The following RASGRF2 variants were observed in gnomAD, a reference collection of about 807,000 sequenced individuals.
RASGRF2 encodes Ras protein specific guanine nucleotide releasing factor 2, also known as ras-specific guanine nucleotide-releasing factor 2.
RASGRF2 carries 76 observed loss-of-function variants against 151.0 expected under a neutral mutation model. That is an observed-to-expected ratio of 0.50 (90% CI 0.42 to 0.61). The LOEUF (loss-of-function observed/expected upper bound fraction) is 0.61. Ranked by LOEUF, RASGRF2 falls within the 20% of genes least tolerant of loss-of-function variation. RASGRF2 has a pLI of 0.00. For missense variants in RASGRF2, 1,148 were observed against 1,564.6 expected (o/e 0.73, Z 4.49); for synonymous variants, 504 against 566.5 (o/e 0.89, Z 1.57).
intron 18 of RASGRF2, among the ~76,000 whole-genome samples, chr5:81,196,661 G>A (rs1430484483): frequency 6.7e-6 from 1 of 149,018 alleles, no homozygotes; most frequent in Non-Finnish European, 1.5e-5. Flanking sequence ...GGCACAGTAG[G>A]TACTCACTAA....
intron 1 of RASGRF2, among the ~76,000 whole-genome samples, chr5:80,999,952 G>C (rs1047944299): frequency 3.3e-5 from 5 of 152,170 alleles, no homozygotes; most frequent in African/African-American, 1.2e-4. Flanking sequence ...CTGTGGGTTA[G>C]GAATTCAGAA....
chr5:81,171,954 T>C (rs575061899), intron 17 of RASGRF2, among the ~76,000 whole-genome samples: 153 of 152,264 alleles, frequency 1.0e-3, no homozygotes, highest in Non-Finnish European at 1.9e-3. Context: ...ACAGCAGCGA[T>C]GGGAGGGCTG....
intron 19 of RASGRF2, among the ~76,000 whole-genome samples, chr5:81,201,689 T>C (rs1169701487): frequency 6.6e-6 from 1 of 152,154 alleles, no homozygotes; most frequent in African/African-American, 2.4e-5. Context: ...CAGACAGCGG[T>C]TTACTATAGA....
chr5:80,993,874 G>T (rs1049134527), intron 1 of RASGRF2, among the ~76,000 whole-genome samples: 2 of 152,190 alleles, frequency 1.3e-5, no homozygotes, highest in Non-Finnish European at 2.9e-5. Flanking sequence ...CCAGCAGGAA[G>T]CCAGAGGGTT....
chr5:81,187,088 A>G (rs1363329674), intron 18 of RASGRF2, among the ~76,000 whole-genome samples: 1 of 152,206 alleles, frequency 6.6e-6, no homozygotes, highest in African/African-American at 2.4e-5. Flanking sequence ...CATCTGGTCC[A>G]AACCCAGACC....
Position 81,080,640 on chromosome 5 carries a change from G to C in RASGRF2, c.1012G>C (p.Glu338Gln). The stretch of plus-strand genomic sequence containing the variant: ...GCTCCCCATGCTGAACATTTATCAA[G>C]AATTTGTGCGTAATCACCAGTACAG... The part of the protein sequence containing the change: ...ILLPMLNIYQ[E>Q]FVRNHQYSLQ... Residue 338 changes from glutamate to glutamine, a missense_variant, in exon 7 of 27, where the codon GAA (glutamate) becomes CAA (glutamine). Glu to Gln is a conservative substitution (Grantham distance 29, BLOSUM62 2). Coordinates refer to ENST00000265080, the MANE Select transcript of RASGRF2 (RefSeq NM_006909.3). 6.2e-7 allele frequency: 1 copy of C among 1,614,156 alleles called. No homozygotes were observed. Among genetic ancestry groups the C allele is most frequent in the Non-Finnish European group, 8.5e-7 (1 of 1,180,000 alleles).
At chr5:81,089,269 A>T (rs569433371) in intron 9 of RASGRF2, among the ~76,000 whole-genome samples, 84 of 152,340 alleles carry the variant, frequency 5.5e-4, no homozygotes, top group African/African-American at 1.9e-3. Context: ...TCTACAATTT[A>T]TCTCTAAAGG....
chr5:80,968,752 T>C lies in RASGRF2; in HGVS notation c.288+7726T>C, dbSNP rs1271277403. Among the ~76,000 whole-genome samples, 4 of 151,654 alleles carry C rather than the reference T, an allele frequency of 2.6e-5. No individual in the cohort carries two copies. In the East Asian group the frequency reaches 7.9e-4, roughly 30 times the overall value. ...GGGCTGGAGTGAAGTGGCGCAGTCA[T>C]AGCTTACTGAAGCCTTGAACTCCTG... On this transcript the variant is annotated intron_variant, in intron 1 of 26. Coordinates refer to ENST00000265080, the MANE Select transcript of RASGRF2 (RefSeq NM_006909.3).
chr5:81,030,118 A>G (rs951116680), intron 1 of RASGRF2, among the ~76,000 whole-genome samples: 10 of 152,232 alleles, frequency 6.6e-5, no homozygotes, highest in African/African-American at 1.9e-4. Context: ...GAGTAAAAAG[A>G]AACAAACAAA....
chr5:81,098,070 G>A (rs1413241408), intron 12 of RASGRF2, among the ~76,000 whole-genome samples: 1 of 152,186 alleles, frequency 6.6e-6, no homozygotes, highest in Non-Finnish European at 1.5e-5. Flanking sequence ...TGGCAGGAGT[G>A]GAGTTGGAGA....
At chr5:81,117,735 A>G (rs1270400318) in intron 15 of RASGRF2, among the ~76,000 whole-genome samples, 1 of 152,312 alleles carries the variant, frequency 6.6e-6, no homozygotes, top group East Asian at 1.9e-4. Context: ...TACGGGTGAG[A>G]CCTGAATCAG....
chr5:81,180,360 C>T, intron 18 of RASGRF2, 79 bp downstream of exon 18: 1 of 850,832 alleles, frequency 1.2e-6, no homozygotes, highest in South Asian at 1.4e-5. Context: ...ATGTAAAACA[C>T]CTCCCTACTC....
rs10584906 is a variant in RASGRF2 at position 80,969,815 on chromosome 5, C to CTTTTTTTTT, written c.288+8809_288+8817dup. ...ACAGATGCCAATAATACTTCTTCTTCTTTTTTTTTTTTTTTTTTTTTTTTT... is the reference window on the plus strand; with the variant it reads ...ACAGATGCCAATAATACTTCTTCTTCTTTTTTTTTTTTTTTTTTTTTTTTTTTTTTTTTT... On this transcript the variant is annotated intron_variant, in intron 1 of 26. Coordinates refer to ENST00000265080, the MANE Select transcript of RASGRF2 (RefSeq NM_006909.3). Among the ~76,000 whole-genome samples the CTTTTTTTTT allele has an allele frequency of 8.6e-4, 66 of 76,944 alleles. 8 individuals are homozygous for CTTTTTTTTT. Among genetic ancestry groups the CTTTTTTTTT allele is most frequent in the African/African-American group, 3.5e-3 (52 of 14,814 alleles). The allele number at this position is 76,944 out of a possible 152,430, so 50.5% of individuals were successfully genotyped here.
chr5:81,104,273 T>C (rs569243477), intron 12 of RASGRF2, among the ~76,000 whole-genome samples: 134 of 152,182 alleles, frequency 8.8e-4, no homozygotes, highest in African/African-American at 3.1e-3. Flanking sequence ...ATTTGAATTA[T>C]TTCATAATAA....
intron 17 of RASGRF2, among the ~76,000 whole-genome samples, chr5:81,144,280 A>C (rs186781735): frequency 1.1e-4 from 17 of 152,356 alleles, no homozygotes; most frequent in African/African-American, 4.1e-4. Context: ...AGTCAGCACA[A>C]GTAAACCAAA....
intron 2 of RASGRF2, among the ~76,000 whole-genome samples, chr5:81,051,196 C>A (rs977274918): frequency 6.6e-6 from 1 of 152,082 alleles, no homozygotes; most frequent in Non-Finnish European, 1.5e-5. Context: ...AATCACCCTG[C>A]ATCATTTTTT....
intron 17 of RASGRF2, among the ~76,000 whole-genome samples, chr5:81,143,495 T>C (rs1244126914): frequency 6.6e-6 from 1 of 152,160 alleles, no homozygotes; most frequent in Non-Finnish European, 1.5e-5. Flanking sequence ...TGAAATACTT[T>C]TAACAATGCA....
At chr5:81,168,436 A>C (rs1754566422) in intron 17 of RASGRF2, among the ~76,000 whole-genome samples, 1 of 149,706 alleles carries the variant, frequency 6.7e-6, no homozygotes, top group Admixed American at 6.7e-5. Context: ...TCAACCTCCC[A>C]AGTAGCTGGG....
intron 25 of RASGRF2, 51 bp from the exon 26 acceptor site, chr5:81,219,659 C>T: frequency 6.8e-7 from 1 of 1,469,516 alleles, no homozygotes; most frequent in Non-Finnish European, 9.5e-7. Flanking sequence ...GCAGGAAATA[C>T]CTTTCTTTGC....
Sources: allele counts gnomAD v4.1 joint callset (sites outside exome capture counted in the v4.1 genomes callset), GRCh38; gene constraint gnomAD v4.1.1; transcripts MANE v1.5; gene names NCBI Gene and HGNC (gene_info 2026-07-23, HGNC 2026-07-21).